GNA14: variants seen among roughly 807,000 people sequenced by gnomAD.
GNA14 encodes G protein subunit alpha 14.
GNA14 carries 50 observed loss-of-function variants against 42.0 expected under a neutral mutation model. The observed-to-expected ratio is 1.19, with a 90% CI of 0.95 to 1.51. GNA14 has a LOEUF of 1.51. GNA14 is among the 40% of genes most tolerant of loss of function. The probability of loss-of-function intolerance (pLI) is 0.00; values close to 1 mark genes in which losing one functional copy is unlikely to be tolerated. For synonymous variants in GNA14, 173 were observed against 163.1 expected (o/e 1.06, Z -0.46); for missense variants, 473 against 446.2 (o/e 1.06, Z -0.54).
intron 2 of GNA14, chr9:77,456,470 C>G (rs1007543317): frequency 5.9e-5 from 9 of 152,182 alleles, no homozygotes; most frequent in East Asian, 3.8e-4. Context: ...AGCTAAACCC[C>G]GCTTGAAAGT....
intron 1 of GNA14, among the ~76,000 whole-genome samples, chr9:77,583,931 T>C (rs1784240636): frequency 6.6e-6 from 1 of 152,190 alleles, no homozygotes; most frequent in Admixed American, 6.5e-5. Context: ...ACAAACACGA[T>C]GCTCCATTGA....
Position 77,500,100 on chromosome 9 carries a change from G to A in GNA14, c.309+28969C>T, listed in dbSNP as rs147943892. ...TGCAATGGCACGATCTCAGCTCACTGCAACCTCCACCTCCTGGGTTCAAGC... is the reference window on the plus strand; with the variant it reads ...TGCAATGGCACGATCTCAGCTCACTACAACCTCCACCTCCTGGGTTCAAGC... On this transcript the variant is annotated intron_variant, in intron 2 of 6. Transcript: ENST00000341700. 4.5e-3 allele frequency among the ~76,000 whole-genome samples: 685 copies of A among 151,014 alleles called. 24 individuals carry two copies. The East Asian group carries it at 0.088, about 19-fold the overall frequency.
intron 1 of GNA14, among the ~76,000 whole-genome samples, chr9:77,575,224 C>T (rs549640319): frequency 6.6e-6 from 1 of 152,124 alleles, no homozygotes; most frequent in Non-Finnish European, 1.5e-5. Context: ...GTCATGAAAA[C>T]TAGACATTAT....
chr9:77,433,793 C>T (rs1438739600), intron 3 of GNA14, among the ~76,000 whole-genome samples: 4 of 152,150 alleles, frequency 2.6e-5, no homozygotes, highest in Admixed American at 6.5e-5. Context: ...TGTAGGCCTT[C>T]GCAGGCAGCC....
chr9:77,465,270 A>T (rs1036718834), intron 2 of GNA14, among the ~76,000 whole-genome samples: 1 of 152,208 alleles, frequency 6.6e-6, no homozygotes, highest in African/African-American at 2.4e-5. Flanking sequence ...ACACCACACA[A>T]TATGGAATCC....
chr9:77,450,305 C>T (rs924730092), intron 2 of GNA14, among the ~76,000 whole-genome samples: 2 of 152,154 alleles, frequency 1.3e-5, no homozygotes, highest in East Asian at 1.9e-4. Context: ...CCCAGCAAAA[C>T]ATCAAGTGCT....
intron 2 of GNA14, among the ~76,000 whole-genome samples, chr9:77,436,921 A>T (rs1835646573): frequency 6.6e-6 from 1 of 152,212 alleles, no homozygotes. Context: ...GGGTGGGAAG[A>T]CGGAAGCCCG....
chr9:77,636,658 G>GA (rs397780507), intron 1 of GNA14, among the ~76,000 whole-genome samples: 1 of 151,764 alleles, frequency 6.6e-6, no homozygotes, highest in African/African-American at 2.4e-5. Context: ...AAGCAAGAGA[G>GA]GTGGGGAAGT....
intron 1 of GNA14, among the ~76,000 whole-genome samples, chr9:77,565,300 C>T (rs1822949581): frequency 6.6e-6 from 1 of 152,016 alleles, no homozygotes; most frequent in South Asian, 2.1e-4. Flanking sequence ...GTGTAAAATA[C>T]AGACCAGATT....
chr9:77,434,306 T>C (rs58261720), intron 3 of GNA14, 62 bp downstream of exon 3: 5 of 1,489,320 alleles, frequency 3.4e-6, no homozygotes, highest in Admixed American at 3.8e-5. Context: ...AGAAACTTCT[T>C]TGAAGTGTGG....
At chr9:77,519,031 G>A (rs1837307914) in intron 2 of GNA14, among the ~76,000 whole-genome samples, 1 of 152,174 alleles carries the variant, frequency 6.6e-6, no homozygotes, top group South Asian at 2.1e-4. Context: ...CATTGTGGCT[G>A]TCAAAAAGAA....
chr9:77,489,008 G>A (rs1564029563), intron 2 of GNA14, among the ~76,000 whole-genome samples: 1 of 152,052 alleles, frequency 6.6e-6, no homozygotes, highest in Non-Finnish European at 1.5e-5. Flanking sequence ...CAGTTTTAAA[G>A]ACACTCAGTG....
At chr9:77,548,585 T>G (rs576298306) in intron 1 of GNA14, among the ~76,000 whole-genome samples, 1 of 152,216 alleles carries the variant, frequency 6.6e-6, no homozygotes, top group Non-Finnish European at 1.5e-5. Flanking sequence ...TAGGGATTCA[T>G]GCACATTTTC....
intron 2 of GNA14, among the ~76,000 whole-genome samples, chr9:77,460,974 G>A (rs1019591083): frequency 6.6e-6 from 1 of 152,228 alleles, no homozygotes; most frequent in African/African-American, 2.4e-5. Context: ...AGAAAATAAA[G>A]TATAAAGTTA....
At chr9:77,567,357 T>C (rs907746103) in intron 1 of GNA14, among the ~76,000 whole-genome samples, 2 of 152,214 alleles carry the variant, frequency 1.3e-5, no homozygotes, top group African/African-American at 2.4e-5. Flanking sequence ...TTTAGGTAAA[T>C]TCTAACCCTT....
At chr9:77,576,934 A>T (rs1006753843) in intron 1 of GNA14, among the ~76,000 whole-genome samples, 1 of 152,164 alleles carries the variant, frequency 6.6e-6, no homozygotes, top group Non-Finnish European at 1.5e-5. Context: ...TTTGAACCCC[A>T]CCTTATCAGC....
chr9:77,440,672 T>G (rs1324466761), intron 2 of GNA14, among the ~76,000 whole-genome samples: 1 of 152,226 alleles, frequency 6.6e-6, no homozygotes, highest in Non-Finnish European at 1.5e-5. Context: ...CTTATTGTTT[T>G]GTAGTGAGAA....
chr9:77,425,831 TG>T, intron 5 of GNA14, 116 bp from the exon 6 acceptor site: 3 of 788,088 alleles, frequency 3.8e-6, no homozygotes, highest in Non-Finnish European at 6.1e-6. Flanking sequence ...TCTGGGCCAC[TG>T]TCTGCTGAAG....
chr9:77,576,777 G>A (rs780406425), intron 1 of GNA14, among the ~76,000 whole-genome samples: 19 of 104,432 alleles, frequency 1.8e-4, no homozygotes, highest in Non-Finnish European at 4.2e-4. Flanking sequence ...GGTAACAAAC[G>A]GTTAAAAGGT....
Sources: allele counts gnomAD v4.1 joint callset (sites outside exome capture counted in the v4.1 genomes callset), GRCh38; gene constraint gnomAD v4.1.1; transcripts MANE v1.5; gene names NCBI Gene and HGNC (gene_info 2026-07-23, HGNC 2026-07-21).